FNTA: variants seen among roughly 807,000 people sequenced by gnomAD.
The protein encoded by FNTA is protein farnesyltransferase/geranylgeranyltransferase type-1 subunit alpha.
FNTA carries 27 observed loss-of-function variants against 55.2 expected under a neutral mutation model. The ratio of observed to expected loss-of-function variants is 0.49; its 90% CI spans 0.36 to 0.67. The LOEUF (loss-of-function observed/expected upper bound fraction) is 0.67. Among genes scored for constraint, FNTA ranks in the 30% least tolerant of loss-of-function variants. The pLI, the probability that FNTA is intolerant of heterozygous loss-of-function variation, is 0.00. For synonymous variants in FNTA, 176 were observed against 170.7 expected (o/e 1.03, Z -0.24); for missense variants, 422 against 464.7 (o/e 0.91, Z 0.85).
At chr8:43,067,829 C>T (rs531540469) in intron 3 of FNTA, among the ~76,000 whole-genome samples, 4 of 152,102 alleles carry the variant, frequency 2.6e-5, no homozygotes, top group East Asian at 3.9e-4. Flanking sequence ...AAGTGATTCT[C>T]GTGCTGCAGT....
chr8:43,083,097 A>C, intron 6 of FNTA, 21 bp from the exon 7 acceptor site: 1 of 1,326,562 alleles, frequency 7.5e-7, no homozygotes, highest in Non-Finnish European at 1.1e-6. Context: ...TTAAAATTGT[A>C]TATATATATT....
intron 3 of FNTA, among the ~76,000 whole-genome samples, chr8:43,065,783 C>T (rs982851456): frequency 5.9e-5 from 9 of 151,338 alleles, no homozygotes; most frequent in Non-Finnish European, 1.2e-4. Flanking sequence ...ATACCTTTCT[C>T]TTTCTTGATT....
chr8:43,072,350 A>C, intron 5 of FNTA, 43 bp downstream of exon 5: 1 of 1,410,692 alleles, frequency 7.1e-7, no homozygotes, highest in Non-Finnish European at 9.5e-7. Context: ...TTTTTTTTTA[A>C]CTGAACTAAA....
Position 43,084,774 on chromosome 8 carries a change from C to A in FNTA, c.910C>A (p.Pro304Thr). The A allele has an allele frequency of 1.2e-6, 2 of 1,612,484 alleles. No individual in the cohort carries two copies. Among genetic ancestry groups the A allele is most frequent in the Non-Finnish European group, 1.7e-6 (2 of 1,178,592 alleles). ...GTTAAATCAATTACTTGATTTACAA[C>A]CAAGTCATAGTTCCCCCTACCTAAT... ...NLLNQLLDLQ[P>T]SHSSPYLIAF... Residue 304 changes from proline (P) to threonine (T), a missense_variant, in exon 8 of 9, where the codon CCA (proline) becomes ACA (threonine). Transcript: ENST00000302279.
chr8:43,072,180 G>A lies in FNTA; in HGVS notation c.507-1G>A. 6.6e-7 allele frequency: 1 copy of A among 1,518,568 alleles called. No individual in the cohort carries two copies. The highest frequency in any genetic ancestry group is 8.8e-7 in the Non-Finnish European group (1 of 1,130,644). 94.1% of individuals were successfully genotyped at this position (1,518,568 alleles called of 1,614,324 possible). A position where few individuals can be genotyped will look rare whatever the true frequency, so the allele number is the denominator to read the frequency against. On this transcript the variant is annotated splice_acceptor_variant, in intron 4 of 8. Coordinates refer to ENST00000302279, the MANE Select transcript of FNTA (RefSeq NM_002027.3). LOFTEE classifies it high-confidence loss of function. Reference sequence around the variant, plus strand: ...ACTTCTCTCCCTTCTTTGGGCTTTAGGCATCATAGGCGAGTATTAGTGGAA... The same window carrying A: ...ACTTCTCTCCCTTCTTTGGGCTTTAAGCATCATAGGCGAGTATTAGTGGAA...
chr8:43,057,956 C>CAAAAAAA (rs71550440), intron 1 of FNTA, among the ~76,000 whole-genome samples: 10 of 69,380 alleles, frequency 1.4e-4, no homozygotes, highest in African/African-American at 4.3e-4. Context: ...GACTCCATCT[C>CAAAAAAA]AAAAAAAAAA....
chr8:43,061,455 ATAG>A (rs1272698853), intron 2 of FNTA, among the ~76,000 whole-genome samples: 8 of 152,238 alleles, frequency 5.3e-5, no homozygotes, highest in African/African-American at 1.9e-4. Flanking sequence ...TTTACATAAA[ATAG>A]TAGAATACTG....
At chr8:43,074,409 C>T (rs1482647768) in intron 5 of FNTA, among the ~76,000 whole-genome samples, 1 of 152,114 alleles carries the variant, frequency 6.6e-6, no homozygotes, top group Non-Finnish European at 1.5e-5. Context: ...CTTGTGTTCG[C>T]AGCTACTCAG....
intron 1 of FNTA, 107 bp downstream of exon 1, chr8:43,056,653 G>T (rs1484212810): frequency 4.6e-6 from 3 of 653,052 alleles, no homozygotes; most frequent in Non-Finnish European, 4.3e-6. Context: ...CGAAGTTCCC[G>T]TGGCGCCGCG....
At chr8:43,066,633 A>T (rs956234720) in intron 3 of FNTA, among the ~76,000 whole-genome samples, 1 of 149,130 alleles carries the variant, frequency 6.7e-6, no homozygotes, top group South Asian at 2.1e-4. Flanking sequence ...TGGATGTGAG[A>T]TCTTCTCATC....
chr8:43,077,915 C>T (rs1303798539), intron 6 of FNTA: 4 of 152,272 alleles, frequency 2.6e-5, no homozygotes, highest in African/African-American at 9.6e-5. Flanking sequence ...TATCCATAAA[C>T]ATTAGTAGCC....
chr8:43,061,594 C>T (rs1437301949), intron 2 of FNTA, among the ~76,000 whole-genome samples: 1 of 152,112 alleles, frequency 6.6e-6, no homozygotes, highest in Non-Finnish European at 1.5e-5. Flanking sequence ...GTATCATTGT[C>T]ATACAGTTAA....
At chr8:43,075,270 C>T (rs1455806771) in intron 5 of FNTA, among the ~76,000 whole-genome samples, 1 of 152,128 alleles carries the variant, frequency 6.6e-6, no homozygotes. Flanking sequence ...TTCCTGAACT[C>T]CACTAGGAAC....
chr8:43,062,350 C>G (rs931945850), intron 2 of FNTA, among the ~76,000 whole-genome samples: 3 of 151,734 alleles, frequency 2.0e-5, no homozygotes, highest in Non-Finnish European at 4.4e-5. Context: ...GGCGTGATCT[C>G]GGCTCACTGC....
chr8:43,058,857 CTG>C, intron 1 of FNTA: 1 of 377,094 alleles, frequency 2.7e-6, no homozygotes, highest in South Asian at 8.9e-5. Flanking sequence ...AATTTGAAAA[CTG>C]TTGATTAGCT....
At chr8:43,084,540 TATG>T (rs773313394) in intron 7 of FNTA, 167 bp from the exon 8 acceptor site, 572 of 555,930 alleles carry the variant, frequency 1.0e-3, no homozygotes, top group Non-Finnish European at 1.6e-3. Flanking sequence ...ACTAATGATC[TATG>T]ATAAGACTCA....
At chr8:43,059,840 TA>T (rs2130540590) in intron 2 of FNTA, among the ~76,000 whole-genome samples, 1 of 152,290 alleles carries the variant, frequency 6.6e-6, no homozygotes, top group African/African-American at 2.4e-5. Context: ...AATAAATGTT[TA>T]AAAAAGCATA....
intron 2 of FNTA, among the ~76,000 whole-genome samples, chr8:43,060,448 G>A (rs1586652558): frequency 6.6e-6 from 1 of 152,282 alleles, no homozygotes; most frequent in South Asian, 2.1e-4. Context: ...GCTGAGGTGG[G>A]CAGATCACCT....
chr8:43,058,903 A>G (rs1810471459), intron 1 of FNTA, 189 bp from the exon 2 acceptor site: 1 of 415,982 alleles, frequency 2.4e-6, no homozygotes, highest in South Asian at 8.3e-5. Context: ...TTTTAATTTT[A>G]CTTTAATAGT....
Sources: allele counts gnomAD v4.1 joint callset (sites outside exome capture counted in the v4.1 genomes callset), GRCh38; gene constraint gnomAD v4.1.1; transcripts MANE v1.5; gene names NCBI Gene and HGNC (gene_info 2026-07-23, HGNC 2026-07-21).